The following SUFU variants were observed in gnomAD, a reference collection of about 807,000 sequenced individuals.
The protein encoded by SUFU is SUFU negative regulator of hedgehog signaling.
A neutral mutation model predicts 58.9 loss-of-function variants in SUFU; 7 were observed. The observed-to-expected ratio is 0.12, with a 90% CI of 0.07 to 0.22. The LOEUF (loss-of-function observed/expected upper bound fraction) is 0.22, where lower values mean the gene tolerates loss of function less well. Among genes scored for constraint, SUFU ranks in the 10% least tolerant of loss-of-function variants. SUFU has a pLI of 1.00. For missense variants in SUFU, 451 were observed against 641.3 expected, an observed-to-expected ratio of 0.70 and a Z score of 3.20; for synonymous variants, 232 against 254.8, an observed-to-expected ratio of 0.91 and a Z score of 0.85.
At chr10:102,503,921 G>T, upstream of SUFU, 3 of 515,444 alleles carry the variant, frequency 5.8e-6, no homozygotes, top group Non-Finnish European at 9.9e-6. Context: ...GATAGGGTGC[G>T]CCGGCGCCCC....
chr10:102,528,838 G>C (rs1187762071), intron 2 of SUFU, among the ~76,000 whole-genome samples: 3 of 152,176 alleles, frequency 2.0e-5, no homozygotes, highest in African/African-American at 7.2e-5. Context: ...TTGGGGTATA[G>C]CGCAAAGAAA....
At chr10:102,593,901 T>C in intron 5 of SUFU, 92 bp from the exon 6 acceptor site, 1 of 1,507,720 alleles carries the variant, frequency 6.6e-7, no homozygotes, top group Non-Finnish European at 9.2e-7. Flanking sequence ...CCCTGTGTCC[T>C]AGGCCTGGGG....
Position 102,545,754 on chromosome 10 carries a change from A to G in SUFU, c.318-4216A>G, listed in dbSNP as rs190831628. 3.5e-4 allele frequency among the ~76,000 whole-genome samples: 54 copies of G among 152,258 alleles called. No homozygotes were observed. In the East Asian group the frequency reaches 9.7e-3, roughly 27 times the overall value. ...TTTGAGAGGTAGAGGCGGGCAGATC[A>G]TCTGAGGTCAGAAGTTCGAGACCAG... On this transcript the variant is annotated intron_variant, in intron 2 of 11. Coordinates refer to ENST00000369902, the MANE Select transcript of SUFU (RefSeq NM_016169.4).
At chr10:102,597,464 G>A (rs2063475025) in intron 7 of SUFU, among the ~76,000 whole-genome samples, 171 bp downstream of exon 7, 1 of 152,360 alleles carries the variant, frequency 6.6e-6, no homozygotes, top group Non-Finnish European at 1.5e-5. Context: ...AATTAAGGGA[G>A]CTTTATTGGC....
intron 2 of SUFU, among the ~76,000 whole-genome samples, chr10:102,541,679 G>A (rs559048316): frequency 3.0e-4 from 43 of 144,766 alleles, no homozygotes; most frequent in South Asian, 1.5e-3. Flanking sequence ...GATTGCAGGC[G>A]TGAGCCACCG....
chr10:102,520,476 T>A (rs1215054760), intron 2 of SUFU, among the ~76,000 whole-genome samples: 5 of 152,040 alleles, frequency 3.3e-5, no homozygotes, highest in Non-Finnish European at 5.9e-5. Context: ...CACCTCGGCC[T>A]CCCAAAGTGC....
intron 3 of SUFU, among the ~76,000 whole-genome samples, chr10:102,565,889 C>T (rs2063084001): frequency 6.6e-6 from 1 of 152,136 alleles, no homozygotes; most frequent in Non-Finnish European, 1.5e-5. Context: ...GATAATTCAC[C>T]CTCGGACAAG....
At chr10:102,576,427 T>A (rs935438861) in intron 3 of SUFU, among the ~76,000 whole-genome samples, 1 of 152,216 alleles carries the variant, frequency 6.6e-6, no homozygotes, top group Non-Finnish European at 1.5e-5. Flanking sequence ...TATTTAATTT[T>A]TTTTACTGTT....
At chr10:102,586,315 G>A (rs2063335481) in intron 3 of SUFU, among the ~76,000 whole-genome samples, 1 of 152,106 alleles carries the variant, frequency 6.6e-6, no homozygotes, top group African/African-American at 2.4e-5. Flanking sequence ...CTTAATATAT[G>A]CTGGATACTT....
chr10:102,602,856 T>A (rs1169172560), intron 8 of SUFU, among the ~76,000 whole-genome samples: 1 of 152,216 alleles, frequency 6.6e-6, no homozygotes, highest in East Asian at 1.9e-4. Flanking sequence ...CCATGAAATC[T>A]GTATCTGGCT....
rs757401093 is a variant in SUFU, at chr10:102,599,525, C to T, written c.1003C>T (p.Leu335Phe). ...AATCAACCCTCAGCGGCAGAATGGC[C>T]TCGCCCACGACCGGGCCCCGTAAGT... The part of the protein sequence containing the change: ...PPINPQRQNG[L>F]AHDRAPSRKD... The change falls in exon 8 of 12, where the codon CTC becomes TTC. Residue 335 changes from leucine (L) to phenylalanine (F), a missense_variant. Leu to Phe is a conservative substitution (Grantham distance 22). Transcript: ENST00000369902. The T allele has an allele frequency of 1.2e-6, 2 of 1,614,080 alleles. No individual in the cohort carries two copies. The highest frequency in any genetic ancestry group is 1.7e-5 in the Admixed American group (1 of 60,010).
chr10:102,627,644 G>A (rs2063798022), intron 11 of SUFU, among the ~76,000 whole-genome samples: 1 of 152,178 alleles, frequency 6.6e-6, no homozygotes, highest in Non-Finnish European at 1.5e-5. Flanking sequence ...AGAACATTCC[G>A]CTGGGGAGTT....
Position 102,597,293 on chromosome 10 carries a change from G to A in SUFU, c.910G>A (p.Asp304Asn). The change falls in exon 7 of 12, where the codon GAC (aspartate) becomes AAC (asparagine). Residue 304 changes from aspartate (D) to asparagine (N), a missense_variant and splice_region_variant. Asp to Asn is a conservative substitution (Grantham distance 23). Coordinates refer to ENST00000369902, the MANE Select transcript of SUFU (RefSeq NM_016169.4). ...ACAGCCCCGGCGACTCTCTGGCAAA[G>A]GTGGGAGCCATCACTCAGCATTCCA... ...GTQPRRLSGK[D>N]TEQIRETLRR... The A allele has an allele frequency of 6.2e-7, 1 of 1,612,256 alleles. No homozygotes were observed. Among genetic ancestry groups the A allele is most frequent in the Non-Finnish European group, 8.5e-7 (1 of 1,179,306 alleles).
intron 8 of SUFU, among the ~76,000 whole-genome samples, chr10:102,611,740 A>G (rs1564704781): frequency 6.6e-6 from 1 of 152,222 alleles, no homozygotes; most frequent in Non-Finnish European, 1.5e-5. Context: ...ATAATGACCT[A>G]TTGTTATTTA....
intron 8 of SUFU, among the ~76,000 whole-genome samples, chr10:102,608,581 G>A (rs1256159563): frequency 6.6e-6 from 1 of 152,136 alleles, no homozygotes; most frequent in Non-Finnish European, 1.5e-5. Flanking sequence ...AAGATAATGG[G>A]GGGAACTTGG....
intron 7 of SUFU, 44 bp downstream of exon 7, chr10:102,597,337 T>C (rs753605973): frequency 6.3e-7 from 1 of 1,596,700 alleles, no homozygotes; most frequent in Non-Finnish European, 8.5e-7. Context: ...CCTCCTTCCT[T>C]TTCCCCAGGG....
chr10:102,589,550 A>G (rs1319050365), intron 3 of SUFU, among the ~76,000 whole-genome samples: 2 of 144,508 alleles, frequency 1.4e-5, no homozygotes, highest in African/African-American at 2.6e-5. Context: ...GATTCAAGCA[A>G]TCCTCCTGTC....
At chr10:102,522,790 A>G (rs2062565342) in intron 2 of SUFU, among the ~76,000 whole-genome samples, 1 of 152,144 alleles carries the variant, frequency 6.6e-6, no homozygotes, top group Admixed American at 6.5e-5. Context: ...CCAGACGTTA[A>G]TCTGCTCCGT....
intron 3 of SUFU, among the ~76,000 whole-genome samples, chr10:102,553,875 C>A (rs2062946508): frequency 6.6e-6 from 1 of 152,168 alleles, no homozygotes; most frequent in Non-Finnish European, 1.5e-5. Context: ...GGGAGGTTGG[C>A]CTAAGCCCAG....
Sources: gnomAD v4.1 joint callset for allele counts (sites outside exome capture counted in the v4.1 genomes callset) on GRCh38, gnomAD v4.1.1 for gene constraint, MANE v1.5 for transcripts, NCBI Gene and HGNC (gene_info 2026-07-23, HGNC 2026-07-21) for gene names.